The following ATE1 variants were observed in gnomAD, a reference collection of about 807,000 sequenced individuals.
The protein encoded by ATE1 is arginyl-tRNA--protein transferase 1.
In ATE1, 36 loss-of-function variants were observed where a neutral mutation model predicts 70.5. The observed-to-expected ratio is 0.51, with a 90% confidence interval of 0.39 to 0.67. The LOEUF (loss-of-function observed/expected upper bound fraction) is 0.67. Among genes scored for constraint, ATE1 ranks in the 30% least tolerant of loss-of-function variants. The pLI is 0.00. For synonymous variants in ATE1, 232 were observed against 219.3 expected (o/e 1.06, Z -0.51); for missense variants, 593 against 629.5 (o/e 0.94, Z 0.62).
intron 5 of ATE1, among the ~76,000 whole-genome samples, chr10:121,908,232 AG>A (rs1458609199): frequency 6.6e-6 from 1 of 152,184 alleles, no homozygotes; most frequent in Non-Finnish European, 1.5e-5. Context: ...AGCCGGGTGC[AG>A]TGGCTCACTC....
chr10:121,856,285 T>C (rs1163261157), intron 8 of ATE1, among the ~76,000 whole-genome samples: 1 of 152,022 alleles, frequency 6.6e-6, no homozygotes, highest in African/African-American at 2.4e-5. Flanking sequence ...ATCCCAGCAC[T>C]TTGGGAGGCC....
chr10:121,919,967 C>A (rs12264495), intron 3 of ATE1, among the ~76,000 whole-genome samples: 7 of 151,798 alleles, frequency 4.6e-5, no homozygotes, highest in Non-Finnish European at 1.0e-4. Flanking sequence ...CAGCTCTCAT[C>A]GACTTCTCAA....
intron 3 of ATE1, among the ~76,000 whole-genome samples, chr10:121,918,891 A>G (rs867202478): frequency 6.6e-6 from 1 of 152,148 alleles, no homozygotes. Context: ...TAGGATTGTA[A>G]AACGCCCCAA....
At chr10:121,806,417 T>C (rs1947098063) in intron 10 of ATE1, among the ~76,000 whole-genome samples, 1 of 152,090 alleles carries the variant, frequency 6.6e-6, no homozygotes, top group Admixed American at 6.6e-5. Context: ...CACACCACTG[T>C]ACTTTAGTCT....
chr10:121,871,332 G>A (rs1226149632), intron 7 of ATE1, among the ~76,000 whole-genome samples: 1 of 152,068 alleles, frequency 6.6e-6, no homozygotes, highest in East Asian at 1.9e-4. Context: ...GGTAGTGGGC[G>A]CCTGTAATCC....
intron 6 of ATE1, among the ~76,000 whole-genome samples, chr10:121,900,367 A>C (rs1263470440): frequency 6.6e-6 from 1 of 152,186 alleles, no homozygotes; most frequent in Non-Finnish European, 1.5e-5. Flanking sequence ...AAGACTAAAA[A>C]TATGAATACA....
intron 10 of ATE1, among the ~76,000 whole-genome samples, chr10:121,790,728 T>C (rs1946398482): frequency 6.6e-6 from 1 of 152,222 alleles, no homozygotes; most frequent in Non-Finnish European, 1.5e-5. Context: ...ACAAATTTTT[T>C]AATTTGTGAT....
At chr10:121,919,586 G>C (rs1951798338) in intron 3 of ATE1, among the ~76,000 whole-genome samples, 1 of 151,512 alleles carries the variant, frequency 6.6e-6, no homozygotes, top group African/African-American at 2.4e-5. Context: ...TCAAGTATCA[G>C]TGAACCTTTG....
intron 5 of ATE1, among the ~76,000 whole-genome samples, chr10:121,906,546 A>T (rs1951199738): frequency 6.6e-6 from 1 of 150,572 alleles, no homozygotes; most frequent in Non-Finnish European, 1.5e-5. Flanking sequence ...AATAAAATAA[A>T]ATAAAAAGGA....
chr10:121,818,256 C>CAAAAAAAA (rs66792557), intron 10 of ATE1, among the ~76,000 whole-genome samples: 11 of 63,350 alleles, frequency 1.7e-4, no homozygotes, highest in East Asian at 1.0e-3. Flanking sequence ...GACTCCATCT[C>CAAAAAAAA]AAAAAAAAAA....
At chr10:121,921,924 G>A (rs985029279) in intron 3 of ATE1, among the ~76,000 whole-genome samples, 2 of 152,176 alleles carry the variant, frequency 1.3e-5, no homozygotes, top group Non-Finnish European at 2.9e-5. Flanking sequence ...ACATGAGAAC[G>A]TGAACCTACC....
chr10:121,909,891 T>A (rs1951351972), intron 5 of ATE1, among the ~76,000 whole-genome samples: 1 of 151,920 alleles, frequency 6.6e-6, no homozygotes, highest in Non-Finnish European at 1.5e-5. Flanking sequence ...CAAAAAATTT[T>A]AAAAGAACTA....
chr10:121,878,366 G>T (rs569221171), intron 7 of ATE1, among the ~76,000 whole-genome samples: 1 of 152,140 alleles, frequency 6.6e-6, no homozygotes, highest in Non-Finnish European at 1.5e-5. Flanking sequence ...GCTGAGGCGG[G>T]TAGACTGCTT....
At chr10:121,804,451 T>A (rs1336705811) in intron 10 of ATE1, among the ~76,000 whole-genome samples, 1 of 152,154 alleles carries the variant, frequency 6.6e-6, no homozygotes, top group Non-Finnish European at 1.5e-5. Flanking sequence ...ACATCAGAAC[T>A]CTCTGAAAAT....
chr10:121,895,347 C>T (rs1029648044), intron 7 of ATE1, among the ~76,000 whole-genome samples: 1 of 152,240 alleles, frequency 6.6e-6, no homozygotes, highest in African/African-American at 2.4e-5. Context: ...CGGTGGCTCA[C>T]GTCTGTAGTC....
At chr10:121,859,414 G>A (rs1056602906) in intron 8 of ATE1, among the ~76,000 whole-genome samples, 5 of 151,328 alleles carry the variant, frequency 3.3e-5, no homozygotes, top group African/African-American at 1.2e-4. Flanking sequence ...CCACCACTAC[G>A]CCCGGCTAAT....
At chr10:121,842,578 A>G (rs1227713307) in intron 8 of ATE1, among the ~76,000 whole-genome samples, 1 of 152,216 alleles carries the variant, frequency 6.6e-6, no homozygotes, top group Non-Finnish European at 1.5e-5. Context: ...AATCCTCAAC[A>G]AAATATTAGC....
At chr10:121,779,985 T>A (rs1244853946) in intron 11 of ATE1, among the ~76,000 whole-genome samples, 1 of 152,184 alleles carries the variant, frequency 6.6e-6, no homozygotes, top group African/African-American at 2.4e-5. Flanking sequence ...GAATTCTTCA[T>A]CTGCTCAGTC....
At chr10:121,825,842 A>G (rs563068760) in intron 10 of ATE1, among the ~76,000 whole-genome samples, 1 of 152,332 alleles carries the variant, frequency 6.6e-6, no homozygotes, top group African/African-American at 2.4e-5. Context: ...TACACAAAGA[A>G]GGGAAAGTGA....
Sources: allele counts gnomAD v4.1 joint callset (sites outside exome capture counted in the v4.1 genomes callset), GRCh38; gene constraint gnomAD v4.1.1; transcripts MANE v1.5; gene names NCBI Gene and HGNC (gene_info 2026-07-23, HGNC 2026-07-21).